Variants in STK33 observed in about 807,000 individuals in gnomAD.
STK33 encodes the protein serine/threonine kinase 33, also known as serine/threonine-protein kinase 33.
In STK33, 52 loss-of-function variants were observed where a neutral mutation model predicts 58.0. The ratio of observed to expected loss-of-function variants is 0.90; its 90% CI spans 0.72 to 1.13. The LOEUF is 1.13. Ranked by LOEUF, STK33 falls within the 50% of genes most tolerant of loss-of-function variation. The pLI is 0.00. For missense variants in STK33, 630 were observed against 604.2 expected (o/e 1.04, Z -0.45); for synonymous variants, 215 against 200.1 (o/e 1.07, Z -0.63).
At chr11:8,556,156 A>G (rs1956732363) in intron 1 of STK33, among the ~76,000 whole-genome samples, 1 of 152,152 alleles carries the variant, frequency 6.6e-6, no homozygotes, top group African/African-American at 2.4e-5. Flanking sequence ...GAATATTGAG[A>G]CTAGGGCCAG....
At chr11:8,437,380 T>C (rs1944205555) in intron 12 of STK33, among the ~76,000 whole-genome samples, 1 of 152,154 alleles carries the variant, frequency 6.6e-6, no homozygotes, top group African/African-American at 2.4e-5. Flanking sequence ...ATGTCAGCCA[T>C]CCTCATTACT....
At chr11:8,440,904 A>G (rs138279205) in intron 11 of STK33, 151 bp from the exon 12 acceptor site, 1 of 678,904 alleles carries the variant, frequency 1.5e-6, no homozygotes, top group African/African-American at 1.8e-5. Context: ...TGAATAATGC[A>G]CAGGCCTTAA....
At chr11:8,392,772 G>C in intron 15 of STK33, 62 bp from the exon 16 acceptor site, 1 of 1,553,600 alleles carries the variant, frequency 6.4e-7, no homozygotes, top group Non-Finnish European at 8.8e-7. Context: ...ATTCAAAGAT[G>C]CAAGGAACTA....
chr11:8,422,041 T>C (rs1397465443), intron 14 of STK33, among the ~76,000 whole-genome samples: 1 of 152,140 alleles, frequency 6.6e-6, no homozygotes, highest in African/African-American at 2.4e-5. Flanking sequence ...AGATCAGCAA[T>C]GTTGGAAGAA....
chr11:8,353,719 G>T, the STK33 span, among the ~76,000 whole-genome samples: 1 of 152,194 alleles, frequency 6.6e-6, no homozygotes, highest in Admixed American at 6.5e-5. Flanking sequence ...GCCTGGGGGA[G>T]TGTGGGGTGC....
chr11:8,368,698 C>T, the STK33 span, among the ~76,000 whole-genome samples: 1 of 152,238 alleles, frequency 6.6e-6, no homozygotes, highest in Admixed American at 6.5e-5. Context: ...GAGCTTGGCC[C>T]CTGCCCTCAA....
In STK33 at chr11:8,435,581, TA is replaced by T. The variant is rs1388673729; in HGVS notation, c.1061-3del. The T allele has an allele frequency of 6.8e-7, 1 of 1,478,774 alleles. No homozygotes were observed. Among genetic ancestry groups the T allele is most frequent in the Admixed American group, 2.1e-5 (1 of 47,564 alleles). 91.6% of individuals were successfully genotyped at this position (1,478,774 alleles called of 1,614,324 possible). On this transcript the variant is annotated splice_region_variant and splice_polypyrimidine_tract_variant and intron_variant, in intron 13 of 15. Coordinates refer to ENST00000687296, the MANE Select transcript of STK33 (RefSeq NM_001352389.2). ...TAAGTTGTTTCAAAACACTTTTAGCTAAAAATAAGAAAAAAATCCTGAAAAA... is the reference window on the plus strand; with the variant it reads ...TAAGTTGTTTCAAAACACTTTTAGCTAAAATAAGAAAAAAATCCTGAAAAA...
At chr11:8,580,525 A>C (rs1232133633) in intron 1 of STK33, among the ~76,000 whole-genome samples, 2 of 152,136 alleles carry the variant, frequency 1.3e-5, no homozygotes, top group African/African-American at 4.8e-5. Context: ...GGGTACAAAG[A>C]AATAGAACAA....
chr11:8,581,615 T>G (rs2030285192), intron 1 of STK33, among the ~76,000 whole-genome samples: 1 of 152,190 alleles, frequency 6.6e-6, no homozygotes, highest in African/African-American at 2.4e-5. Flanking sequence ...GAAGAAAATC[T>G]GTCCTGAAAG....
chr11:8,556,919 G>A (rs1956779740), intron 1 of STK33, among the ~76,000 whole-genome samples: 1 of 152,020 alleles, frequency 6.6e-6, no homozygotes, highest in South Asian at 2.1e-4. Flanking sequence ...AGATGCACTT[G>A]CTATTGACTA....
At chr11:8,548,620 A>G (rs1419539082) in intron 1 of STK33, among the ~76,000 whole-genome samples, 2 of 152,118 alleles carry the variant, frequency 1.3e-5, no homozygotes, top group Admixed American at 6.5e-5. Flanking sequence ...CAAATTTTAG[A>G]ATTTTTCTTC....
intron 1 of STK33, among the ~76,000 whole-genome samples, chr11:8,552,962 G>C (rs941011720): frequency 6.0e-5 from 9 of 150,970 alleles, no homozygotes; most frequent in African/African-American, 2.2e-4. Flanking sequence ...AGCTGCCTGG[G>C]CCATACAGTG....
chr11:8,541,835 A>C (rs1380824946), intron 1 of STK33, among the ~76,000 whole-genome samples: 1 of 152,196 alleles, frequency 6.6e-6, no homozygotes, highest in Non-Finnish European at 1.5e-5. Flanking sequence ...TTCTGCTTGA[A>C]GTACTTCAAC....
intron 15 of STK33, among the ~76,000 whole-genome samples, chr11:8,407,562 T>C (rs1939465139): frequency 6.6e-6 from 1 of 152,152 alleles, no homozygotes; most frequent in African/African-American, 2.4e-5. Flanking sequence ...ACTGTTTTTG[T>C]ACTTTTAAAA....
chr11:8,378,000 G>C, the STK33 span, among the ~76,000 whole-genome samples: 1 of 152,234 alleles, frequency 6.6e-6, no homozygotes, highest in Middle Eastern at 3.4e-3. Context: ...AACTAGAAGA[G>C]TCAATATCAT....
rs1193506326 is a variant in STK33 at position 8,431,805 on chromosome 11, C to CT, written c.1146+3688dup. 5.3e-5 allele frequency among the ~76,000 whole-genome samples: 8 copies of CT among 151,980 alleles called. No homozygotes were observed. In the South Asian group the frequency reaches 6.2e-4, roughly 12 times the overall value. On this transcript the variant is annotated intron_variant, in intron 14 of 15. Transcript: ENST00000687296. ...CTGGTTCAAGTCCACTCACGATTTT[C>CT]TTTTTTTTCTTAGTCTCACAATTTT... is the stretch of plus-strand genomic sequence containing the variant.
the STK33 span, among the ~76,000 whole-genome samples, chr11:8,360,222 T>G: frequency 1.3e-5 from 2 of 152,222 alleles, no homozygotes; most frequent in East Asian, 3.9e-4. Context: ...TGTTCCCAGG[T>G]CTGCAGGTTG....
intron 1 of STK33, among the ~76,000 whole-genome samples, chr11:8,534,809 T>C (rs940815012): frequency 3.9e-5 from 6 of 152,112 alleles, no homozygotes; most frequent in Middle Eastern, 3.2e-3. Flanking sequence ...CTGCAATCTA[T>C]AATACTCATA....
At chr11:8,490,882 G>A (rs976119136) in intron 1 of STK33, among the ~76,000 whole-genome samples, 1 of 152,132 alleles carries the variant, frequency 6.6e-6, no homozygotes, top group Admixed American at 6.5e-5. Context: ...CAAACGGAAA[G>A]GAATAGGATC....
Sources: allele counts gnomAD v4.1 joint callset (sites outside exome capture counted in the v4.1 genomes callset), GRCh38; gene constraint gnomAD v4.1.1; transcripts MANE v1.5; gene names NCBI Gene and HGNC (gene_info 2026-07-23, HGNC 2026-07-21).